GPC5: variants seen among roughly 807,000 people sequenced by gnomAD.
The protein encoded by GPC5 is glypican 5, also known as glypican-5.
GPC5 carries 47 observed loss-of-function variants against 53.9 expected under a neutral mutation model. That is an observed-to-expected ratio of 0.87 (90% CI 0.69 to 1.11). GPC5 has a LOEUF of 1.11. Among genes scored for constraint, GPC5 ranks in the 50% most tolerant of loss-of-function variants. GPC5 has a pLI of 0.00. For synonymous variants in GPC5, 286 were observed against 263.3 expected (o/e 1.09, Z -0.84); for missense variants, 748 against 713.1 (o/e 1.05, Z -0.56).
At chr13:91,838,939 C>T (rs964717286) in intron 5 of GPC5, among the ~76,000 whole-genome samples, 12 of 151,420 alleles carry the variant, frequency 7.9e-5, no homozygotes, top group African/African-American at 2.7e-4. Context: ...AGCCCTGAAC[C>T]ATGTTTCCCA....
intron 1 of GPC5, among the ~76,000 whole-genome samples, chr13:91,427,849 A>C (rs988748601): frequency 6.6e-6 from 1 of 152,108 alleles, no homozygotes; most frequent in Non-Finnish European, 1.5e-5. Flanking sequence ...TGTTTCCCCC[A>C]TGCTGTTCTC....
intron 2 of GPC5, among the ~76,000 whole-genome samples, chr13:91,600,948 G>C (rs2033162067): frequency 2.0e-5 from 3 of 151,922 alleles, no homozygotes; most frequent in Admixed American, 6.6e-5. Flanking sequence ...TAAAAGAAGG[G>C]GTGACATTTA....
intron 7 of GPC5, among the ~76,000 whole-genome samples, chr13:92,270,811 A>G (rs768520667): frequency 1.3e-5 from 2 of 152,096 alleles, no homozygotes; most frequent in East Asian, 3.9e-4. Context: ...AGAAAGCTAA[A>G]CTCCTTTTTA....
chr13:92,207,399 G>T (rs1421646191), intron 7 of GPC5, among the ~76,000 whole-genome samples: 1 of 152,186 alleles, frequency 6.6e-6, no homozygotes, highest in African/African-American at 2.4e-5. Flanking sequence ...ACCCACAGCT[G>T]CAGCCCTAGT....
At chr13:92,355,824 T>C (rs566196564) in intron 7 of GPC5, among the ~76,000 whole-genome samples, 1 of 151,984 alleles carries the variant, frequency 6.6e-6, no homozygotes, top group African/African-American at 2.4e-5. Context: ...CTATGTCTAA[T>C]ACTGTCAATG....
chr13:91,973,623 G>A (rs942659540), intron 6 of GPC5, among the ~76,000 whole-genome samples: 2 of 152,132 alleles, frequency 1.3e-5, no homozygotes, highest in Non-Finnish European at 2.9e-5. Flanking sequence ...CTTTGATGAT[G>A]GTGATGTACA....
intron 6 of GPC5, among the ~76,000 whole-genome samples, chr13:91,957,453 A>G (rs749861188): frequency 6.6e-6 from 1 of 152,162 alleles, no homozygotes. Flanking sequence ...AGATTTAGAT[A>G]TCCAGATACA....
chr13:91,916,314 C>T lies in GPC5; in HGVS notation c.1401+8257C>T, dbSNP rs560992690. 1.2e-3 allele frequency among the ~76,000 whole-genome samples: 182 copies of T among 152,214 alleles called. 2 individuals are homozygous for T. The highest frequency in any genetic ancestry group is 0.011 in the Admixed American group (172 of 15,282). On this transcript the variant is annotated intron_variant, in intron 6 of 7. Coordinates refer to ENST00000377067, the MANE Select transcript of GPC5 (RefSeq NM_004466.6). ...GTATATACTCAAGAGAAAGGAAATA[C>T]GTGTCTACACAAAAACTTGTACATG... is the stretch of plus-strand genomic sequence containing the variant.
chr13:92,654,531 C>A (rs12864692), intron 7 of GPC5, among the ~76,000 whole-genome samples: 1 of 151,810 alleles, frequency 6.6e-6, no homozygotes, highest in Non-Finnish European at 1.5e-5. Context: ...TTACACTTGA[C>A]CATTTCTATA....
intron 7 of GPC5, among the ~76,000 whole-genome samples, chr13:92,799,660 T>C (rs1347382307): frequency 6.6e-6 from 1 of 151,856 alleles, no homozygotes; most frequent in Non-Finnish European, 1.5e-5. Context: ...CATCTTACAA[T>C]TGTGATTCTT....
intron 7 of GPC5, among the ~76,000 whole-genome samples, chr13:92,808,256 T>G (rs1010684354): frequency 6.6e-6 from 1 of 152,102 alleles, no homozygotes; most frequent in African/African-American, 2.4e-5. Context: ...GAAAGAGAAT[T>G]TACTTTCTCT....
intron 5 of GPC5, among the ~76,000 whole-genome samples, chr13:91,893,944 GTTT>G (rs200751114): frequency 7.1e-6 from 1 of 140,458 alleles, no homozygotes; most frequent in African/African-American, 2.7e-5. Flanking sequence ...ATTTTACCAG[GTTT>G]TTTTTTTTTC....
chr13:92,559,463 G>T (rs1195549210), intron 7 of GPC5, among the ~76,000 whole-genome samples: 2 of 151,234 alleles, frequency 1.3e-5, no homozygotes, highest in African/African-American at 2.4e-5. Flanking sequence ...CCCTCCTGCC[G>T]CTACTCAATT....
intron 5 of GPC5, among the ~76,000 whole-genome samples, chr13:91,780,322 A>C (rs1438133475): frequency 6.6e-6 from 1 of 152,156 alleles, no homozygotes; most frequent in African/African-American, 2.4e-5. Flanking sequence ...TGTCTATCTT[A>C]AAGATATCCT....
At chr13:92,579,584 C>A (rs1883310242) in intron 7 of GPC5, among the ~76,000 whole-genome samples, 1 of 151,784 alleles carries the variant, frequency 6.6e-6, no homozygotes, top group Admixed American at 6.6e-5. Flanking sequence ...GTGTGTGCTA[C>A]CAGTGGGAAG....
chr13:92,755,520 A>C (rs1874821439), intron 7 of GPC5, among the ~76,000 whole-genome samples: 1 of 151,968 alleles, frequency 6.6e-6, no homozygotes, highest in South Asian at 2.1e-4. Flanking sequence ...AAAACCCTTC[A>C]AAAAATCAAT....
At chr13:92,604,407 G>A (rs1252080156) in intron 7 of GPC5, among the ~76,000 whole-genome samples, 1 of 152,086 alleles carries the variant, frequency 6.6e-6, no homozygotes, top group African/African-American at 2.4e-5. Flanking sequence ...AAAAGACATA[G>A]ATAATAAGCA....
At chr13:92,006,842 A>G (rs1388115068) in intron 6 of GPC5, among the ~76,000 whole-genome samples, 2 of 152,184 alleles carry the variant, frequency 1.3e-5, no homozygotes, top group Non-Finnish European at 2.9e-5. Flanking sequence ...GATTTGGAGA[A>G]TGATCGAGTT....
intron 7 of GPC5, among the ~76,000 whole-genome samples, chr13:92,778,459 T>G (rs149532302): frequency 1.3e-5 from 2 of 152,220 alleles, no homozygotes; most frequent in African/African-American, 4.8e-5. Context: ...TTATTAAGAG[T>G]AAGTATAAAA....
Sources: gnomAD v4.1 joint callset for allele counts (sites outside exome capture counted in the v4.1 genomes callset) on GRCh38, gnomAD v4.1.1 for gene constraint, MANE v1.5 for transcripts, NCBI Gene and HGNC (gene_info 2026-07-23, HGNC 2026-07-21) for gene names.